Variants in TRHDE observed in about 807,000 individuals in gnomAD.
TRHDE encodes thyrotropin releasing hormone degrading enzyme.
In TRHDE, 72 loss-of-function variants were observed where a neutral mutation model predicts 125.7. That is an observed-to-expected ratio of 0.57 (90% confidence interval 0.47 to 0.70). The LOEUF (loss-of-function observed/expected upper bound fraction) is 0.70. Among genes scored for constraint, TRHDE ranks in the 30% least tolerant of loss-of-function variants. The pLI is 0.00. For missense variants in TRHDE, 1,110 were observed against 1,327.1 expected, an observed-to-expected ratio of 0.84 and a Z score of 2.54; for synonymous variants, 509 against 509.1, an observed-to-expected ratio of 1.00 and a Z score of 0.00.
At chr12:72,217,544 G>A (rs977674925) in intron 2 of TRHDE, among the ~76,000 whole-genome samples, 2 of 152,104 alleles carry the variant, frequency 1.3e-5, no homozygotes, top group African/African-American at 4.8e-5. Flanking sequence ...CAGTTAGATG[G>A]TCTCTGTAGG....
chr12:72,371,565 C>G (rs1402496336), intron 2 of TRHDE, among the ~76,000 whole-genome samples: 1 of 151,442 alleles, frequency 6.6e-6, no homozygotes, highest in Non-Finnish European at 1.5e-5. Context: ...CAACAGTCCC[C>G]AGAGTGTGAT....
intron 2 of TRHDE, among the ~76,000 whole-genome samples, chr12:72,159,678 C>T (rs774526297): frequency 3.9e-5 from 6 of 151,958 alleles, no homozygotes; most frequent in Non-Finnish European, 7.4e-5. Flanking sequence ...TACATTGGAC[C>T]TCTCTTGCTT....
chr12:72,157,848 G>T (rs1309529326), intron 2 of TRHDE, among the ~76,000 whole-genome samples: 3 of 152,176 alleles, frequency 2.0e-5, no homozygotes, highest in Non-Finnish European at 4.4e-5. Context: ...TGTAGAAATA[G>T]ATGAACCAGA....
At chr12:72,125,028 A>G (rs1396715030) in intron 2 of TRHDE, among the ~76,000 whole-genome samples, 1 of 152,196 alleles carries the variant, frequency 6.6e-6, no homozygotes, top group African/African-American at 2.4e-5. Context: ...CTCCTCAGAT[A>G]TGATATATCC....
intron 3 of TRHDE, among the ~76,000 whole-genome samples, chr12:72,390,376 A>G (rs956448604): frequency 7.2e-5 from 11 of 152,200 alleles, no homozygotes; most frequent in Admixed American, 3.9e-4. Flanking sequence ...AGGGAGGAAC[A>G]TTTCATTAAA....
intron 12 of TRHDE, among the ~76,000 whole-genome samples, chr12:72,601,970 G>A (rs946077580): frequency 1.3e-5 from 2 of 152,136 alleles, no homozygotes; most frequent in African/African-American, 4.8e-5. Context: ...ATGAAGTCTG[G>A]TTGTGTTCTT....
chr12:72,391,025 TAGAA>T (rs1479032394), intron 3 of TRHDE, among the ~76,000 whole-genome samples: 1 of 152,098 alleles, frequency 6.6e-6, no homozygotes, highest in Non-Finnish European at 1.5e-5. Flanking sequence ...AAAAGAACCT[TAGAA>T]AGAAATTTCC....
chr12:72,272,991 T>G lies in TRHDE; in HGVS notation c.348T>G (p.Ser116Arg). The change falls in exon 1 of 19, where the codon AGT becomes AGG. Residue 116 changes from serine to arginine, a missense_variant. Around this residue, in one of 5 missense-constraint regions of TRHDE, gnomAD observed 248 missense variants for 240.8 expected, o/e 1.03. Transcript: ENST00000261180. This position sits in a 1 kb window ranked among gnomAD's most constrained non-coding sequence, Gnocchi z 6.7. ...TGCGCTTCGACGAGTGCGGGGCGAG[T>G]GCCACGCCAGGCGCCGACGGTGGCC... ...LSLRFDECGA[S>R]ATPGADGGPS... 1 of 1,551,710 alleles carries G rather than the reference T, an allele frequency of 6.4e-7. No homozygotes were observed. The highest frequency in any genetic ancestry group is 8.7e-7 in the Non-Finnish European group (1 of 1,155,026).
intron 3 of TRHDE, among the ~76,000 whole-genome samples, chr12:72,404,520 C>G (rs552244171): frequency 1.3e-5 from 2 of 152,266 alleles, no homozygotes; most frequent in East Asian, 3.9e-4. Context: ...TTAATTGACT[C>G]ACAGTTTCAC....
chr12:72,197,082 C>A (rs1877460104), intron 2 of TRHDE, among the ~76,000 whole-genome samples: 1 of 152,048 alleles, frequency 6.6e-6, no homozygotes, highest in South Asian at 2.1e-4. Context: ...TGAGTTGTAG[C>A]CCCATTTGGC....
intron 3 of TRHDE, among the ~76,000 whole-genome samples, chr12:72,451,093 T>A (rs932504368): frequency 2.6e-5 from 4 of 152,174 alleles, no homozygotes; most frequent in Non-Finnish European, 5.9e-5. Context: ...TTGTTGATTG[T>A]TTCCTTTGCT....
At chr12:72,362,400 T>G (rs1383326291) in intron 2 of TRHDE, among the ~76,000 whole-genome samples, 1 of 150,780 alleles carries the variant, frequency 6.6e-6, no homozygotes, top group Non-Finnish European at 1.5e-5. Context: ...GCCCACTTTT[T>G]GATGGGGTTG....
intron 3 of TRHDE, among the ~76,000 whole-genome samples, chr12:72,467,040 T>A (rs1876410634): frequency 6.6e-6 from 1 of 152,250 alleles, no homozygotes; most frequent in Non-Finnish European, 1.5e-5. Context: ...GTTGTATATA[T>A]GAATGCATAG....
intron 12 of TRHDE, among the ~76,000 whole-genome samples, chr12:72,590,756 T>G (rs1467837155): frequency 1.3e-5 from 2 of 152,166 alleles, no homozygotes; most frequent in African/African-American, 4.8e-5. Context: ...TTAAAAAATT[T>G]TTATTCTCAC....
rs181192889 is a variant in TRHDE at position 72,591,568 on chromosome 12, T to C, written c.2321+16026T>C. Reference sequence around the variant, plus strand: ...GAAATTAAGAAAAAAAGATGAAAAATAATTTTGTACATACCCTAATATTTG... The same window carrying C: ...GAAATTAAGAAAAAAAGATGAAAAACAATTTTGTACATACCCTAATATTTG... On this transcript the variant is annotated intron_variant, in intron 12 of 18. Transcript: ENST00000261180. Among the ~76,000 whole-genome samples the C allele has an allele frequency of 2.1e-3, 316 of 150,654 alleles. 1 individual carries two copies. The highest frequency in any genetic ancestry group is 6.7e-3 in the African/African-American group (277 of 41,086).
intron 2 of TRHDE, among the ~76,000 whole-genome samples, chr12:72,225,726 C>A (rs926943987): frequency 3.3e-5 from 5 of 152,082 alleles, no homozygotes; most frequent in African/African-American, 1.2e-4. Flanking sequence ...CTAAAGAAAC[C>A]AGGAAAATGA....
chr12:72,180,289 T>C (rs1877070761), intron 2 of TRHDE, among the ~76,000 whole-genome samples: 2 of 152,138 alleles, frequency 1.3e-5, no homozygotes, highest in Non-Finnish European at 2.9e-5. Flanking sequence ...ACTTGCATAT[T>C]ATTTTTAAAA....
At chr12:72,318,794 A>C (rs912092281) in intron 2 of TRHDE, among the ~76,000 whole-genome samples, 2 of 152,152 alleles carry the variant, frequency 1.3e-5, no homozygotes, top group Admixed American at 1.3e-4. Flanking sequence ...AATAATAAGT[A>C]CTTAGAGCAA....
chr12:72,216,286 G>A (rs1343450362), intron 2 of TRHDE, among the ~76,000 whole-genome samples: 2 of 151,976 alleles, frequency 1.3e-5, no homozygotes, highest in East Asian at 1.9e-4. Context: ...TGCCAGCTCC[G>A]TAGTATTTTA....
Sources: gnomAD v4.1 joint callset for allele counts (sites outside exome capture counted in the v4.1 genomes callset) on GRCh38, gnomAD v4.1.1 for gene constraint, gnomAD v4.1.1 regional missense constraint, Gnocchi (gnomAD v3.1) non-coding constraint, MANE v1.5 for transcripts, NCBI Gene and HGNC (gene_info 2026-07-23, HGNC 2026-07-21) for gene names.